Variants in PIWIL3 observed in about 807,000 individuals in gnomAD.
PIWIL3 encodes the protein piwi-like protein 3.
Under a neutral mutation model 109.7 loss-of-function variants are expected in PIWIL3, and 101 were observed. That is an observed-to-expected ratio of 0.92 (90% CI 0.78 to 1.09). The LOEUF (loss-of-function observed/expected upper bound fraction) is 1.09. Ranked by LOEUF, PIWIL3 falls within the 50% of genes least tolerant of loss-of-function variation. The pLI, the probability that PIWIL3 is intolerant of heterozygous loss-of-function variation, is 0.00. For synonymous variants in PIWIL3, 373 were observed against 376.4 expected (o/e 0.99, Z 0.10); for missense variants, 1,031 against 1,072.6 (o/e 0.96, Z 0.54).
chr22:24,744,728 A>T (rs1192417262), intron 12 of PIWIL3, among the ~76,000 whole-genome samples: 2 of 152,356 alleles, frequency 1.3e-5, no homozygotes, highest in South Asian at 4.1e-4. Context: ...TCAACACTGG[A>T]GTAACCCAGA....
Position 24,755,738 on chromosome 22 carries a change from A to G in PIWIL3, c.692+46T>C, listed in dbSNP as rs372440941. 4.1e-5 allele frequency: 66 copies of G among 1,610,330 alleles called. No homozygotes were observed. The African/African-American group carries it at 8.1e-4, about 20-fold the overall frequency. On this transcript the variant is annotated intron_variant, in intron 6 of 20. Coordinates refer to ENST00000616349, the MANE Select transcript of PIWIL3 (RefSeq NM_001255975.1). ...GCTGTATTCCACACCACTACACAGT[A>G]AAACAACCGAATGAGTATCAAAGAA...
At chr22:24,727,017 A>T (rs375416275) in intron 16 of PIWIL3, among the ~76,000 whole-genome samples, 171 of 152,372 alleles carry the variant, frequency 1.1e-3, no homozygotes, top group African/African-American at 3.8e-3. Context: ...CATAGGATAT[A>T]GACACACATC....
chr22:24,762,526 A>G lies in PIWIL3; in HGVS notation c.-22-5T>C. On this transcript the variant is annotated splice_polypyrimidine_tract_variant and splice_region_variant and intron_variant, in intron 1 of 20. Coordinates refer to ENST00000616349, the MANE Select transcript of PIWIL3 (RefSeq NM_001255975.1). ...GTGGTCCTGAAGGTGATGACCCTGA[A>G]GAATACAGTTATATTAGACATCTCT... 6.3e-7 allele frequency: 1 copy of G among 1,599,928 alleles called. No individual in the cohort carries two copies. Among genetic ancestry groups the G allele is most frequent in the Non-Finnish European group, 8.5e-7 (1 of 1,174,752 alleles).
At chr22:24,741,021 G>A (rs2147676936) in intron 12 of PIWIL3, among the ~76,000 whole-genome samples, 1 of 152,212 alleles carries the variant, frequency 6.6e-6, no homozygotes, top group South Asian at 2.1e-4. Flanking sequence ...CAAAATACTA[G>A]CTAAATGAAT....
At position 24,734,131 on chromosome 22, in the gene PIWIL3, A is replaced by C; in HGVS notation, c.1660T>G (p.Ser554Ala). 6.2e-7 allele frequency: 1 copy of C among 1,612,878 alleles called. No individual in the cohort carries two copies. The highest frequency in any genetic ancestry group is 8.5e-7 in the Non-Finnish European group (1 of 1,179,590). Reference sequence around the variant, plus strand: ...TATTTCCGTAATGTGTCTATATAGGAGTTAGCATCACCATCTACTTCAATC... The same window carrying C: ...TATTTCCGTAATGTGTCTATATAGGCGTTAGCATCACCATCTACTTCAATC... Reference protein sequence around the residue: ...EMIEVDGDANSYIDTLRKYTR... With the variant: ...EMIEVDGDANAYIDTLRKYTR... Residue 554 changes from serine (S) to alanine (A), a missense_variant, in exon 14 of 21, where the codon TCC (serine) becomes GCC (alanine). Coordinates refer to ENST00000616349, the MANE Select transcript of PIWIL3 (RefSeq NM_001255975.1).
chr22:24,753,884 G>A, intron 8 of PIWIL3, 130 bp downstream of exon 8: 4 of 722,238 alleles, frequency 5.5e-6, no homozygotes, highest in Non-Finnish European at 9.3e-6. Context: ...GGAGAGACGT[G>A]TTCAGTTGTT....
At chr22:24,745,020 A>C (rs1924271777) in intron 12 of PIWIL3, among the ~76,000 whole-genome samples, 1 of 152,220 alleles carries the variant, frequency 6.6e-6, no homozygotes, top group African/African-American at 2.4e-5. Context: ...AGACAAACAA[A>C]GCATCTTCTC....
At chr22:24,761,061 G>A (rs1209255964) in intron 2 of PIWIL3, among the ~76,000 whole-genome samples, 1 of 152,142 alleles carries the variant, frequency 6.6e-6, no homozygotes, top group Non-Finnish European at 1.5e-5. Context: ...AAGAATGGAA[G>A]TCCTTCTGAT....
chr22:24,723,292 C>A (rs376305544), intron 18 of PIWIL3, 37 bp from the exon 19 acceptor site: 9 of 1,584,898 alleles, frequency 5.7e-6, no homozygotes, highest in Non-Finnish European at 6.9e-6. Flanking sequence ...TATGTTTACT[C>A]AGTCTTACCT....
In PIWIL3 at chr22:24,748,923, A is replaced by T; in HGVS notation, c.1433T>A (p.Val478Glu). 6.2e-7 allele frequency: 1 copy of T among 1,611,890 alleles called. No individual in the cohort carries two copies. Among genetic ancestry groups the T allele is most frequent in the South Asian group, 1.1e-5 (1 of 90,872 alleles). ...PGRVLKNANI[V>E]QGRRMVKANS... ...CTGTCTTACCATTCTTCTGCCTTGCACGATGTTTGCGTTTTTCAAAACTCT... is the reference window on the plus strand; with the variant it reads ...CTGTCTTACCATTCTTCTGCCTTGCTCGATGTTTGCGTTTTTCAAAACTCT... The change falls in exon 12 of 21, where the codon GTG (valine) becomes GAG (glutamate). Residue 478 changes from valine to glutamate, a missense_variant. Transcript: ENST00000616349.
rs758817505 is a variant in PIWIL3, at chr22:24,756,720, C to T, written c.356-15G>A. ...ACCCTCTGAACCTGAAAAATGGAGC[C>T]ACATGACAATAAAGAAACAGACTGA... is the stretch of plus-strand genomic sequence containing the variant. On this transcript the variant is annotated splice_polypyrimidine_tract_variant and intron_variant, in intron 4 of 20. Coordinates refer to ENST00000616349, the MANE Select transcript of PIWIL3 (RefSeq NM_001255975.1). 4 of 1,594,520 alleles carry T rather than the reference C, an allele frequency of 2.5e-6. No individual in the cohort carries two copies. Among genetic ancestry groups the T allele is most frequent in the Non-Finnish European group, 3.4e-6 (4 of 1,163,612 alleles).
rs751446954 is a variant in PIWIL3, at chr22:24,724,927, T to G, written c.2191A>C (p.Lys731Gln). Residue 731 changes from lysine to glutamine, a missense_variant, in exon 18 of 21, where the codon AAA (lysine) becomes CAA (glutamine). By Grantham distance (53) the Lys-to-Gln change is moderately conservative. Transcript: ENST00000616349. Reference sequence around the variant, plus strand: ...GTTTTTAAGTAGGTCGACATCTTTTTCGCTTCATGGTCAAGCAATGCTTGA... The same window carrying G: ...GTTTTTAAGTAGGTCGACATCTTTTGCGCTTCATGGTCAAGCAATGCTTGA... ...QLQALLDHEA[K>Q]KMSTYLKTIS... is the part of the protein sequence containing the mutation. The G allele has an allele frequency of 6.2e-7, 1 of 1,614,170 alleles. No individual in the cohort carries two copies. The highest frequency in any genetic ancestry group is 8.5e-7 in the Non-Finnish European group (1 of 1,180,034).
intron 14 of PIWIL3, among the ~76,000 whole-genome samples, chr22:24,730,172 G>A (rs1436559587): frequency 1.3e-5 from 2 of 151,750 alleles, no homozygotes; most frequent in East Asian, 1.9e-4. Context: ...CGAGACCAGC[G>A]TGGCCAATAC....
At chr22:24,749,139 A>ACCTTCCC in intron 11 of PIWIL3, 118 bp from the exon 12 acceptor site, 2 of 872,534 alleles carry the variant, frequency 2.3e-6, no homozygotes, top group South Asian at 3.4e-5. Context: ...CAGCATTGAG[A>ACCTTCCC]TGCGGCAGTA....
intron 12 of PIWIL3, among the ~76,000 whole-genome samples, chr22:24,739,542 T>TA (rs1161953552): frequency 6.6e-6 from 1 of 151,712 alleles, no homozygotes; most frequent in Non-Finnish European, 1.5e-5. Context: ...ATAACATCTT[T>TA]AAAGTGCTGT....
chr22:24,723,491 G>A (rs1469022314), intron 18 of PIWIL3, among the ~76,000 whole-genome samples: 1 of 152,100 alleles, frequency 6.6e-6, no homozygotes, highest in Non-Finnish European at 1.5e-5. Flanking sequence ...CACAACTTTA[G>A]GATCATTCCT....
At chr22:24,738,469 T>C (rs994862883) in intron 12 of PIWIL3, among the ~76,000 whole-genome samples, 4 of 152,352 alleles carry the variant, frequency 2.6e-5, no homozygotes, top group African/African-American at 9.6e-5. Flanking sequence ...TGGCTTCAGG[T>C]TGACCCCGTG....
chr22:24,734,033 T>A (rs768567395), intron 14 of PIWIL3, 51 bp downstream of exon 14: 1 of 1,549,892 alleles, frequency 6.5e-7, no homozygotes, highest in Non-Finnish European at 8.7e-7. Context: ...CTTATCAAGA[T>A]GGTTTGGAAC....
chr22:24,740,562 G>A (rs66468952), intron 12 of PIWIL3, among the ~76,000 whole-genome samples: 66,096 of 138,320 alleles, frequency 0.48, 16,659 homozygotes, highest in East Asian at 0.67. Flanking sequence ...AAAAAAAAAA[G>A]AAAGAAACTG....
Sources: allele counts gnomAD v4.1 joint callset (sites outside exome capture counted in the v4.1 genomes callset), GRCh38; gene constraint gnomAD v4.1.1; transcripts MANE v1.5; gene names NCBI Gene and HGNC (gene_info 2026-07-23, HGNC 2026-07-21).